The following BICD1 variants were observed in gnomAD, a reference collection of about 807,000 sequenced individuals.
The protein encoded by BICD1 is BICD cargo adaptor 1, also known as protein bicaudal D homolog 1.
In BICD1, 35 loss-of-function variants were observed where a neutral mutation model predicts 92.5. The observed-to-expected ratio is 0.38, with a 90% CI of 0.29 to 0.50. The LOEUF (loss-of-function observed/expected upper bound fraction) is 0.50, where lower values mean the gene tolerates loss of function less well. Ranked by LOEUF, BICD1 falls within the 20% of genes least tolerant of loss-of-function variation. The pLI, the probability that BICD1 is intolerant of heterozygous loss-of-function variation, is 0.93. For missense variants in BICD1, 950 were observed against 1,189.8 expected, an observed-to-expected ratio of 0.80 and a Z score of 2.97; for synonymous variants, 429 against 465.1, an observed-to-expected ratio of 0.92 and a Z score of 1.00.
At chr12:32,116,510 C>CTCTCTCTCTATATATA (rs1233964108) in intron 1 of BICD1, among the ~76,000 whole-genome samples, 3 of 104,374 alleles carry the variant, frequency 2.9e-5, no homozygotes, top group Non-Finnish European at 5.7e-5. Flanking sequence ...CTCTCTCTCT[C>CTCTCTCTCTATATATA]TATATATATA....
chr12:32,252,108 TTA>T lies in BICD1; in HGVS notation c.426+35655_426+35656del, dbSNP rs373619751. ...TATAAATATATATTTATAATAAATA[TTA>T]TATATTATATATTTATAATAAATAT... On this transcript the variant is annotated intron_variant, in intron 2 of 9. Coordinates refer to ENST00000652176, the MANE Select transcript of BICD1 (RefSeq NM_001714.4). 2.4e-3 allele frequency among the ~76,000 whole-genome samples: 140 copies of T among 57,228 alleles called. 18 individuals are homozygous for T. The highest frequency in any genetic ancestry group is 6.4e-3 in the African/African-American group (133 of 20,862). The allele number at this position is 57,228 out of a possible 152,430, so 37.5% of individuals were successfully genotyped here.
rs552236570 is a variant in BICD1, at chr12:32,203,679, A to G, written c.214-12568A>G. 1.2e-3 allele frequency among the ~76,000 whole-genome samples: 183 copies of G among 152,224 alleles called. 6 individuals are homozygous for G. The South Asian group carries it at 0.037, about 31-fold the overall frequency. ...TATATAAACTGCATACTTTTTAGAA[A>G]CGGTAGTGGTTCGTCCATCCAGCCT... On this transcript the variant is annotated intron_variant, in intron 1 of 9. Transcript: ENST00000652176.
At chr12:32,290,350 T>C (rs1192322138) in intron 2 of BICD1, among the ~76,000 whole-genome samples, 1 of 152,158 alleles carries the variant, frequency 6.6e-6, no homozygotes, top group Non-Finnish European at 1.5e-5. Flanking sequence ...ACAGAATGGA[T>C]AAAAATCTTC....
At chr12:32,252,393 A>C (rs1156653896) in intron 2 of BICD1, among the ~76,000 whole-genome samples, 1 of 151,736 alleles carries the variant, frequency 6.6e-6, no homozygotes, top group African/African-American at 2.4e-5. Context: ...CAAGCTATTT[A>C]TTTTAGCAGT....
At chr12:32,132,053 GTGGGAAAATATTTGAGCAAGA>G (rs1592349294) in intron 1 of BICD1, among the ~76,000 whole-genome samples, 1 of 152,158 alleles carries the variant, frequency 6.6e-6, no homozygotes, top group Non-Finnish European at 1.5e-5. Flanking sequence ...AAGGAGCAAG[GTGGGAAAATATTTGAGCAAGA>G]TGGGAAAATA....
At chr12:32,218,914 C>G in intron 2 of BICD1, among the ~76,000 whole-genome samples, 1 of 152,114 alleles carries the variant, frequency 6.6e-6, no homozygotes, top group East Asian at 1.9e-4. Context: ...ACATTTAGAG[C>G]TAACATAAAA....
intron 2 of BICD1, among the ~76,000 whole-genome samples, chr12:32,253,186 A>G (rs1946613593): frequency 6.6e-6 from 1 of 152,258 alleles, no homozygotes; most frequent in Non-Finnish European, 1.5e-5. Flanking sequence ...CCCAGCCAGC[A>G]TCTTACTATG....
rs575345234 is a variant in BICD1, at chr12:32,120,991, C to T, written c.213+13447C>T. On this transcript the variant is annotated intron_variant, in intron 1 of 9. Coordinates refer to ENST00000652176, the MANE Select transcript of BICD1 (RefSeq NM_001714.4). ...GAATTTTTTTTTTTTTTTTTTGAGA[C>T]GGAGTCTCGCGCTATTGCCCAGGCT... Among the ~76,000 whole-genome samples the T allele has an allele frequency of 1.7e-3, 201 of 121,412 alleles. 4 individuals are homozygous for T. In the South Asian group the frequency reaches 0.049, roughly 29 times the overall value. The allele number at this position is 121,412 out of a possible 152,430, so 79.7% of individuals were successfully genotyped here. A position where few individuals can be genotyped will look rare whatever the true frequency, so the allele number is the denominator to read the frequency against.
At position 32,198,705 on chromosome 12, in the gene BICD1, C is replaced by T. The variant is rs112479278; in HGVS notation, c.214-17542C>T. ...GAACTGTCCACCTCTCTCCTCCTGC[C>T]GTCAAGGGTGTTGCTAAACCTATCA... On this transcript the variant is annotated intron_variant, in intron 1 of 9. Transcript: ENST00000652176. Among the ~76,000 whole-genome samples the T allele has an allele frequency of 5.4e-3, 817 of 152,108 alleles. 6 individuals carry two copies. Among genetic ancestry groups the T allele is most frequent in the Non-Finnish European group, 8.5e-3 (581 of 68,004 alleles).
intron 2 of BICD1, among the ~76,000 whole-genome samples, chr12:32,225,641 T>TTTTTTTTTTTTTG (rs1945664708): frequency 1.5e-5 from 2 of 134,216 alleles, no homozygotes; most frequent in Non-Finnish European, 3.2e-5. Flanking sequence ...TTTTTTTTTT[T>TTTTTTTTTTTTTG]AGACGGAGTT....
intron 1 of BICD1, among the ~76,000 whole-genome samples, chr12:32,166,443 G>T (rs980816123): frequency 6.6e-6 from 1 of 152,016 alleles, no homozygotes; most frequent in African/African-American, 2.4e-5. Context: ...GCTATCTGGA[G>T]ACATTTTTGA....
intron 1 of BICD1, among the ~76,000 whole-genome samples, chr12:32,144,628 G>T (rs2121394111): frequency 6.6e-6 from 1 of 152,292 alleles, no homozygotes; most frequent in South Asian, 2.1e-4. Context: ...TATAGTAACA[G>T]CACTTAGTAA....
At chr12:32,163,667 C>A (rs1943666077) in intron 1 of BICD1, among the ~76,000 whole-genome samples, 1 of 152,140 alleles carries the variant, frequency 6.6e-6, no homozygotes, top group Non-Finnish European at 1.5e-5. Flanking sequence ...ATAAAAATTG[C>A]TGTTTCCCGT....
intron 9 of BICD1, among the ~76,000 whole-genome samples, chr12:32,373,909 G>T (rs1003456858): frequency 6.6e-6 from 1 of 150,906 alleles, no homozygotes; most frequent in African/African-American, 2.4e-5. Context: ...ATTACACAAG[G>T]TCTTCAAAAA....
At chr12:32,295,082 GA>G (rs10647988) in intron 3 of BICD1, among the ~76,000 whole-genome samples, 1,351 of 103,432 alleles carry the variant, frequency 0.013, 19 homozygotes, top group African/African-American at 0.044. Flanking sequence ...ATTCCGTCTC[GA>G]AAAAAAAAAA....
intron 2 of BICD1, among the ~76,000 whole-genome samples, chr12:32,218,769 G>C (rs1037885789): frequency 2.0e-5 from 3 of 152,152 alleles, no homozygotes; most frequent in African/African-American, 7.2e-5. Context: ...TCTTCTATGT[G>C]TGCCAATAAT....
chr12:32,216,563 T>C (rs948192377), intron 2 of BICD1, 104 bp downstream of exon 2: 12 of 1,255,414 alleles, frequency 9.6e-6, no homozygotes, highest in Middle Eastern at 2.2e-4. Flanking sequence ...AGAGGAGCTG[T>C]ATTAAGCACG....
At chr12:32,158,122 T>TTTA (rs1943496760) in intron 1 of BICD1, among the ~76,000 whole-genome samples, 2 of 150,790 alleles carry the variant, frequency 1.3e-5, no homozygotes, top group African/African-American at 2.4e-5. Context: ...TTTTTTTTTT[T>TTTA]GAGATGGAGT....
chr12:32,177,449 T>C (rs1944127873), intron 1 of BICD1, among the ~76,000 whole-genome samples: 1 of 151,574 alleles, frequency 6.6e-6, no homozygotes, highest in South Asian at 2.1e-4. Flanking sequence ...GACTTTTTTT[T>C]TTTTTAAAGA....
Sources: gnomAD v4.1 joint callset for allele counts (sites outside exome capture counted in the v4.1 genomes callset) on GRCh38, gnomAD v4.1.1 for gene constraint, MANE v1.5 for transcripts, NCBI Gene and HGNC (gene_info 2026-07-23, HGNC 2026-07-21) for gene names.